Variants in BHMT observed in about 807,000 individuals in gnomAD.
The protein encoded by BHMT is betaine--homocysteine S-methyltransferase 1.
In BHMT, 38 loss-of-function variants were observed where a neutral mutation model predicts 49.5. The observed-to-expected ratio is 0.77, with a 90% CI of 0.59 to 1.01. The LOEUF is 1.01. Ranked by LOEUF, BHMT falls within the 50% of genes least tolerant of loss-of-function variation. BHMT has a pLI of 0.00. For missense variants in BHMT, 426 were observed against 495.7 expected (o/e 0.86, Z 1.34); for synonymous variants, 166 against 176.3 (o/e 0.94, Z 0.46).
At chr5:79,120,638 A>T (rs1232901888) in intron 4 of BHMT, 97 bp downstream of exon 4, 2 of 1,078,082 alleles carry the variant, frequency 1.9e-6, no homozygotes. Flanking sequence ...GGTGACAATC[A>T]TAACTAGCAA....
chr5:79,124,629 T>G (rs1022071484), intron 5 of BHMT, among the ~76,000 whole-genome samples: 1 of 152,158 alleles, frequency 6.6e-6, no homozygotes, highest in Non-Finnish European at 1.5e-5. Context: ...GGTCCAAATA[T>G]AGTTAAGAAC....
chr5:79,125,963 C>G, intron 5 of BHMT, 83 bp from the exon 6 acceptor site: 1 of 1,410,812 alleles, frequency 7.1e-7, no homozygotes, highest in South Asian at 1.4e-5. Flanking sequence ...AAAAGAACTT[C>G]CTGATTCCTG....
At position 79,131,218 on chromosome 5, in the gene BHMT, C is replaced by A; in HGVS notation, c.*102C>A. 1 of 1,095,292 alleles carries A rather than the reference C, an allele frequency of 9.1e-7. No individual in the cohort carries two copies. Among genetic ancestry groups the A allele is most frequent in the South Asian group, 1.7e-5 (1 of 59,646 alleles). 67.8% of individuals were successfully genotyped at this position (1,095,292 alleles called of 1,614,324 possible). On this transcript the variant is annotated 3_prime_UTR_variant, in exon 8 of 8. Transcript: ENST00000274353. ...AAAGCAGTGCTTTCATGAATGCCATCCTACACATATTATTGCTATTACCTG... is the reference window on the plus strand; with the variant it reads ...AAAGCAGTGCTTTCATGAATGCCATACTACACATATTATTGCTATTACCTG...
chr5:79,115,953 C>T (rs989147649), intron 2 of BHMT, 54 bp downstream of exon 2: 51 of 1,532,116 alleles, frequency 3.3e-5, no homozygotes, highest in African/African-American at 6.9e-5. Flanking sequence ...TGTGGAGGCT[C>T]ATGCCTGTAA....
rs1580277120 is a variant in BHMT, at chr5:79,131,363, A to G, written c.*247A>G. 1.0e-5 allele frequency: 4 copies of G among 396,888 alleles called. No individual in the cohort carries two copies. In the East Asian group the frequency reaches 1.8e-4, roughly 18 times the overall value. The allele number at this position is 396,888 out of a possible 1,614,324, so 24.6% of individuals were successfully genotyped here. On this transcript the variant is annotated 3_prime_UTR_variant, in exon 8 of 8. Coordinates refer to ENST00000274353, the MANE Select transcript of BHMT (RefSeq NM_001713.3). ...GGTTCACTAAGCACCCACCCTGTGA[A>G]AAGTATTATGGAAATCACTGCTGCA...
intron 4 of BHMT, among the ~76,000 whole-genome samples, chr5:79,120,849 A>C (rs755196164): frequency 6.6e-6 from 1 of 152,160 alleles, no homozygotes. Flanking sequence ...AATAGAATAC[A>C]TTTTCAAATT....
intron 1 of BHMT, among the ~76,000 whole-genome samples, chr5:79,115,254 G>A (rs368437596): frequency 6.6e-6 from 1 of 151,228 alleles, no homozygotes; most frequent in East Asian, 1.9e-4. Flanking sequence ...GATCTTCTGA[G>A]CCCAGGAGTT....
At chr5:79,129,234 TG>T (rs1031746345) in intron 7 of BHMT, among the ~76,000 whole-genome samples, 1 of 152,078 alleles carries the variant, frequency 6.6e-6, no homozygotes, top group African/African-American at 2.4e-5. Context: ...TAATGTCCAA[TG>T]AGTATAGTAA....
chr5:79,119,139 G>A (rs1339187142), intron 2 of BHMT, 120 bp from the exon 3 acceptor site: 6 of 784,206 alleles, frequency 7.7e-6, no homozygotes, highest in Non-Finnish European at 1.0e-5. Context: ...CCTAAGATGT[G>A]CAAATGTCAA....
chr5:79,125,028 A>C (rs1756528603), intron 5 of BHMT, among the ~76,000 whole-genome samples: 1 of 152,254 alleles, frequency 6.6e-6, no homozygotes, highest in African/African-American at 2.4e-5. Context: ...TCAAGCAAGC[A>C]GTATGGTAAA....
rs1756379070 is a variant in BHMT, at chr5:79,115,839, A to T, written c.106A>T (p.Arg36Trp). 1 of 1,614,076 alleles carries T rather than the reference A, an allele frequency of 6.2e-7. No individual in the cohort carries two copies. Among genetic ancestry groups the T allele is most frequent in the Non-Finnish European group, 8.5e-7 (1 of 1,179,974 alleles). Residue 36 changes from arginine to tryptophan, a missense_variant, in exon 2 of 8, where the codon AGG (arginine) becomes TGG (tryptophan). By Grantham distance (101) the Arg-to-Trp change is moderately radical. This residue lies in a region of BHMT where 321 missense variants were observed against 355.9 expected (regional missense o/e 0.90). Coordinates refer to ENST00000274353, the MANE Select transcript of BHMT (RefSeq NM_001713.3). ...AGGGTTTGTCTTTGCACTGGAGAAG[A>T]GGGGCTACGTAAAGGCAGGACCCTG... is the stretch of plus-strand genomic sequence containing the variant. ...DGGFVFALEK[R>W]GYVKAGPWTP...
At position 79,126,199 on chromosome 5, in the gene BHMT, G is replaced by T; in HGVS notation, c.779G>T (p.Gly260Val). The T allele has an allele frequency of 6.2e-7, 1 of 1,613,724 alleles. No homozygotes were observed. The highest frequency in any genetic ancestry group is 8.5e-7 in the Non-Finnish European group (1 of 1,179,782). Residue 260 changes from glycine (G) to valine (V), a missense_variant, in exon 6 of 8, where the codon GGA (glycine) becomes GTA (valine). Around this residue, in one of 3 missense-constraint regions of BHMT, gnomAD observed 321 missense variants for 355.9 expected, o/e 0.90. Transcript: ENST00000274353. ...CACACTCCTGACTGCAACAAGCAGG[G>T]ATTCATCGATCTCCCAGAATTCCCA... is the stretch of plus-strand genomic sequence containing the variant. ...AYHTPDCNKQ[G>V]FIDLPEFPFG...
chr5:79,116,018 G>GA (rs1219971979), intron 2 of BHMT, 119 bp downstream of exon 2: 2 of 1,291,640 alleles, frequency 1.5e-6, no homozygotes, highest in Non-Finnish European at 2.0e-6. Flanking sequence ...AGGAGTTCAA[G>GA]ACCAGCCTGG....
intron 5 of BHMT, among the ~76,000 whole-genome samples, chr5:79,121,709 G>T (rs1756475929): frequency 6.6e-6 from 1 of 151,218 alleles, no homozygotes; most frequent in African/African-American, 2.4e-5. Context: ...CAGCTACTCG[G>T]GAGGCTGAGG....
chr5:79,125,682 A>G (rs1756541955), intron 5 of BHMT, among the ~76,000 whole-genome samples: 1 of 152,030 alleles, frequency 6.6e-6, no homozygotes, highest in Non-Finnish European at 1.5e-5. Flanking sequence ...TCATGCCTGT[A>G]ATCCCAGCAG....
At position 79,120,533 on chromosome 5, in the gene BHMT, A is replaced by G. The variant is rs1756451741; in HGVS notation, c.469A>G (p.Ile157Val). The change falls in exon 4 of 8, where the codon ATT becomes GTT. Residue 157 changes from isoleucine to valine, a missense_variant. Around this residue, in one of 3 missense-constraint regions of BHMT, gnomAD observed 321 missense variants for 355.9 expected, o/e 0.90. Coordinates refer to ENST00000274353, the MANE Select transcript of BHMT (RefSeq NM_001713.3). Reference sequence around the variant, plus strand: ...TATGAAGAAGAACGTGGACTTCTTGATTGCAGAGGTAAAGAAAGATGTGGT... The same window carrying G: ...TATGAAGAAGAACGTGGACTTCTTGGTTGCAGAGGTAAAGAAAGATGTGGT... ...VFMKKNVDFL[I>V]AEYFEHVEEA... 2 of 1,608,828 alleles carry G rather than the reference A, an allele frequency of 1.2e-6. No individual in the cohort carries two copies. Among genetic ancestry groups the G allele is most frequent in the Admixed American group, 3.4e-5 (2 of 58,574 alleles).
At chr5:79,121,150 C>CAAAAAA in intron 4 of BHMT, 68 bp from the exon 5 acceptor site, 2 of 1,357,662 alleles carry the variant, frequency 1.5e-6, no homozygotes, top group Admixed American at 2.2e-5. Context: ...AACTCCGTCT[C>CAAAAAA]AAAAAAAAAA....
intron 2 of BHMT, 143 bp downstream of exon 2, chr5:79,116,042 C>T: frequency 9.5e-7 from 1 of 1,050,294 alleles, no homozygotes; most frequent in East Asian, 3.1e-5. Flanking sequence ...CATAGGGAGA[C>T]CTAGTCTCTC....
In BHMT at chr5:79,111,877, A is replaced by T. The variant is rs777564605; in HGVS notation, c.-9A>T. ...ATCCGTGTCGACCACCTGTCTGGAC[A>T]CCACGAAGATGCCACCCGTTGGGGG... is the stretch of plus-strand genomic sequence containing the variant. On this transcript the variant is annotated 5_prime_UTR_variant, in exon 1 of 8. Coordinates refer to ENST00000274353, the MANE Select transcript of BHMT (RefSeq NM_001713.3). 1.2e-6 allele frequency: 2 copies of T among 1,612,540 alleles called. No homozygotes were observed. Among genetic ancestry groups the T allele is most frequent in the Non-Finnish European group, 1.7e-6 (2 of 1,179,224 alleles).
Sources: gnomAD v4.1 joint callset for allele counts (sites outside exome capture counted in the v4.1 genomes callset) on GRCh38, gnomAD v4.1.1 for gene constraint, gnomAD v4.1.1 regional missense constraint, MANE v1.5 for transcripts, NCBI Gene and HGNC (gene_info 2026-07-23, HGNC 2026-07-21) for gene names.